The following DLG2 variants were observed in gnomAD, a reference collection of about 807,000 sequenced individuals.
DLG2 encodes disks large homolog 2.
DLG2 carries 45 observed loss-of-function variants against 132.5 expected under a neutral mutation model. That is an observed-to-expected ratio of 0.34 (90% CI 0.27 to 0.44). The LOEUF (loss-of-function observed/expected upper bound fraction) is 0.44. DLG2 is among the 20% of genes least tolerant of loss of function. The pLI is 1.00. For synonymous variants in DLG2, 424 were observed against 419.6 expected, an observed-to-expected ratio of 1.01 and a Z score of -0.13; for missense variants, 1,045 against 1,196.9, an observed-to-expected ratio of 0.87 and a Z score of 1.87.
chr11:84,450,006 T>C (rs985583688), intron 7 of DLG2, among the ~76,000 whole-genome samples: 1 of 151,860 alleles, frequency 6.6e-6, no homozygotes, highest in Non-Finnish European at 1.5e-5. Flanking sequence ...ATGTATATCA[T>C]ACTTCAAGAA....
chr11:85,268,407 A>T (rs867547779), intron 4 of DLG2, among the ~76,000 whole-genome samples: 3 of 152,276 alleles, frequency 2.0e-5, no homozygotes, highest in South Asian at 4.1e-4. Context: ...GCCTTTCCAG[A>T]CTGAACCAAT....
At chr11:84,188,312 T>C (rs2096325416) in intron 8 of DLG2, among the ~76,000 whole-genome samples, 1 of 152,202 alleles carries the variant, frequency 6.6e-6, no homozygotes, top group Non-Finnish European at 1.5e-5. Context: ...AATTTATTTT[T>C]AACCTCTCAA....
intron 3 of DLG2, among the ~76,000 whole-genome samples, chr11:85,428,173 T>A (rs1314173726): frequency 6.6e-6 from 1 of 152,118 alleles, no homozygotes; most frequent in Non-Finnish European, 1.5e-5. Flanking sequence ...CACACAATAA[T>A]AATGGGAGAC....
intron 15 of DLG2, among the ~76,000 whole-genome samples, chr11:83,897,915 C>A (rs1415145550): frequency 6.6e-6 from 1 of 152,144 alleles, no homozygotes; most frequent in Non-Finnish European, 1.5e-5. Context: ...GTTGTATCAT[C>A]CCCATTTTGC....
intron 3 of DLG2, among the ~76,000 whole-genome samples, chr11:85,402,404 G>C (rs953918544): frequency 6.6e-6 from 1 of 152,040 alleles, no homozygotes; most frequent in Non-Finnish European, 1.5e-5. Context: ...CAAAACCTAG[G>C]CAATACCATT....
chr11:84,392,419 G>C (rs1380499704), intron 7 of DLG2, among the ~76,000 whole-genome samples: 1 of 152,146 alleles, frequency 6.6e-6, no homozygotes, highest in Non-Finnish European at 1.5e-5. Context: ...AAGCAAAAAT[G>C]ACATCCATGA....
chr11:85,606,805 G>A (rs530159573), intron 2 of DLG2, among the ~76,000 whole-genome samples: 26 of 152,068 alleles, frequency 1.7e-4, no homozygotes, highest in East Asian at 1.2e-3. Flanking sequence ...CTCCAGACGC[G>A]CCACCTTTAA....
intron 6 of DLG2, among the ~76,000 whole-genome samples, chr11:85,060,232 T>A (rs1201737270): frequency 6.6e-6 from 1 of 151,460 alleles, no homozygotes; most frequent in African/African-American, 2.4e-5. Flanking sequence ...TAGTATAATG[T>A]CCTAAAGGTT....
At chr11:84,675,934 C>T (rs757578224) in intron 6 of DLG2, among the ~76,000 whole-genome samples, 1 of 152,000 alleles carries the variant, frequency 6.6e-6, no homozygotes, top group Admixed American at 6.6e-5. Flanking sequence ...ATGTGTGCCT[C>T]CTCTGGGTAC....
At chr11:85,057,118 A>G (rs1436479136) in intron 6 of DLG2, among the ~76,000 whole-genome samples, 1 of 151,784 alleles carries the variant, frequency 6.6e-6, no homozygotes, top group Non-Finnish European at 1.5e-5. Context: ...ATATATTTTT[A>G]AAAGGAGAAT....
chr11:85,492,375 T>C (rs1458800747), intron 3 of DLG2, among the ~76,000 whole-genome samples: 1 of 152,172 alleles, frequency 6.6e-6, no homozygotes, highest in Admixed American at 6.5e-5. Context: ...CTGCATTTTA[T>C]ATATAACTAC....
chr11:85,398,111 AG>A (rs1419573224), intron 3 of DLG2, among the ~76,000 whole-genome samples: 2 of 152,238 alleles, frequency 1.3e-5, no homozygotes, highest in Non-Finnish European at 2.9e-5. Flanking sequence ...ATCAGAAATC[AG>A]TATTAAGAAA....
At chr11:83,908,272 T>C (rs146073036) in intron 15 of DLG2, among the ~76,000 whole-genome samples, 151 of 152,300 alleles carry the variant, frequency 9.9e-4, no homozygotes, top group African/African-American at 3.4e-3. Context: ...AGATGCCTTC[T>C]CATCTCTATT....
rs190134778 is a variant in DLG2 at position 85,399,216 on chromosome 11, C to T, written c.41-113851G>A. Among the ~76,000 whole-genome samples the T allele has an allele frequency of 2.5e-3, 376 of 152,290 alleles. 5 individuals are homozygous for T. Among genetic ancestry groups the T allele is most frequent in the African/African-American group, 8.7e-3 (361 of 41,572 alleles). ...GAGAATAAAATACCTAGGAATCCAACTTCCAGGGGATATGAAGGACCTCTT... is the reference window on the plus strand; with the variant it reads ...GAGAATAAAATACCTAGGAATCCAATTTCCAGGGGATATGAAGGACCTCTT... On this transcript the variant is annotated intron_variant, in intron 3 of 27. Coordinates refer to ENST00000376104, the MANE Select transcript of DLG2 (RefSeq NM_001142699.3).
intron 5 of DLG2, among the ~76,000 whole-genome samples, chr11:85,115,347 T>G (rs1198764220): frequency 6.6e-6 from 1 of 151,954 alleles, no homozygotes; most frequent in Non-Finnish European, 1.5e-5. Flanking sequence ...ATTCATGTAG[T>G]TGGTCAACAA....
chr11:84,998,973 T>TTTTA (rs2057955544), intron 6 of DLG2, among the ~76,000 whole-genome samples: 1 of 148,664 alleles, frequency 6.7e-6, no homozygotes, highest in African/African-American at 2.5e-5. Flanking sequence ...ATTATTACAA[T>TTTTA]TATATATATA....
intron 16 of DLG2, among the ~76,000 whole-genome samples, chr11:83,861,815 G>A (rs2061504453): frequency 6.6e-6 from 1 of 152,094 alleles, no homozygotes; most frequent in Non-Finnish European, 1.5e-5. Flanking sequence ...CTGTTTCATA[G>A]CACAACAGGG....
At chr11:84,214,889 G>T (rs1348997982) in intron 8 of DLG2, among the ~76,000 whole-genome samples, 2 of 152,112 alleles carry the variant, frequency 1.3e-5, no homozygotes, top group African/African-American at 2.4e-5. Flanking sequence ...GTAGGAAAAG[G>T]TATAAATATA....
At position 84,786,966 on chromosome 11, in the gene DLG2, G is replaced by A. The variant is rs1055152023; in HGVS notation, c.358-252235C>T. Among the ~76,000 whole-genome samples the A allele has an allele frequency of 3.9e-5, 6 of 152,104 alleles. No individual in the cohort carries two copies. The South Asian group carries it at 1.2e-3, about 31-fold the overall frequency. ...TGAAGAGTAATGGCTTTGGTGGGAA[G>A]AAACATTTGTAAAAATTCAGATCTA... On this transcript the variant is annotated intron_variant, in intron 6 of 27. Transcript: ENST00000376104.
Sources: allele counts gnomAD v4.1 joint callset (sites outside exome capture counted in the v4.1 genomes callset), GRCh38; gene constraint gnomAD v4.1.1; transcripts MANE v1.5; gene names NCBI Gene and HGNC (gene_info 2026-07-23, HGNC 2026-07-21).